The following TAFA2 variants were observed in gnomAD, a reference collection of about 807,000 sequenced individuals.
TAFA2 encodes the protein TAFA chemokine like family member 2, also known as chemokine-like protein TAFA-2.
TAFA2 carries 7 observed loss-of-function variants against 18.8 expected under a neutral mutation model. That is an observed-to-expected ratio of 0.37 (90% CI 0.21 to 0.70). TAFA2 has a LOEUF of 0.70. TAFA2 is among the 30% of genes least tolerant of loss of function. TAFA2 has a pLI of 0.53. For missense variants in TAFA2, 122 were observed against 158.1 expected (o/e 0.77, Z 1.23); for synonymous variants, 60 against 54.2 (o/e 1.11, Z -0.47).
chr12:62,194,301 T>TCACACA (rs60670024), upstream of TAFA2, among the ~76,000 whole-genome samples: 43,611 of 145,786 alleles, frequency 0.3, 6,784 homozygotes, highest in South Asian at 0.41. Context: ...GGCTTTCTTT[T>TCACACA]CACACACACA....
intron 1 of TAFA2, among the ~76,000 whole-genome samples, chr12:62,171,706 T>C (rs571231946): frequency 7.9e-5 from 12 of 152,322 alleles, no homozygotes; most frequent in African/African-American, 2.4e-4. Flanking sequence ...CCAGCGTCCA[T>C]AGCTTTGAGA....
intron 1 of TAFA2, among the ~76,000 whole-genome samples, chr12:62,115,551 C>T (rs1347708847): frequency 6.6e-6 from 1 of 152,032 alleles, no homozygotes; most frequent in Non-Finnish European, 1.5e-5. Flanking sequence ...CAAGAAGTAC[C>T]ACTTTTTGTA....
chr12:61,794,104 C>T (rs1306651777), intron 2 of TAFA2, among the ~76,000 whole-genome samples: 3 of 151,830 alleles, frequency 2.0e-5, no homozygotes, highest in Non-Finnish European at 2.9e-5. Flanking sequence ...ATACATAATC[C>T]TGAGAGACTG....
At chr12:61,753,230 G>A (rs1040386808) in intron 4 of TAFA2, among the ~76,000 whole-genome samples, 3 of 151,918 alleles carry the variant, frequency 2.0e-5, no homozygotes, top group African/African-American at 4.8e-5. Flanking sequence ...TTAAAAAACT[G>A]TATTAAAAGT....
chr12:61,923,146 G>A (rs971366504), intron 1 of TAFA2, among the ~76,000 whole-genome samples: 1 of 152,220 alleles, frequency 6.6e-6, no homozygotes, highest in Non-Finnish European at 1.5e-5. Context: ...GCACCTGGGG[G>A]AAGAGGCGGC....
intron 1 of TAFA2, among the ~76,000 whole-genome samples, chr12:61,886,617 C>T (rs1025805304): frequency 4.6e-5 from 7 of 152,278 alleles, no homozygotes; most frequent in Non-Finnish European, 8.8e-5. Flanking sequence ...GGCAAGTTCT[C>T]GTGTGGGTCC....
At chr12:62,224,807 GTGTACTTAATGCCACTCAAC>G (rs1261950970) in intron 1 of TAFA2, among the ~76,000 whole-genome samples, 12 of 152,108 alleles carry the variant, frequency 7.9e-5, no homozygotes, top group African/African-American at 2.9e-4. Context: ...ACAATAATGA[GTGTACTTAATGCCACTCAAC>G]TGTATACTTA....
intron 1 of TAFA2, among the ~76,000 whole-genome samples, chr12:61,955,667 A>G (rs1266918446): frequency 1.6e-5 from 2 of 127,212 alleles, no homozygotes; most frequent in Admixed American, 8.3e-5. Flanking sequence ...ATATATATAT[A>G]TATTTAATTT....
intron 1 of TAFA2, among the ~76,000 whole-genome samples, chr12:62,113,112 G>C (rs941256823): frequency 6.6e-6 from 1 of 152,044 alleles, no homozygotes; most frequent in African/African-American, 2.4e-5. Flanking sequence ...TCCTCATCTT[G>C]GTGAATTTAT....
chr12:62,096,639 GAA>G (rs995951531), intron 1 of TAFA2, among the ~76,000 whole-genome samples: 3 of 152,026 alleles, frequency 2.0e-5, no homozygotes, highest in African/African-American at 7.2e-5. Context: ...CTATGTTAAT[GAA>G]AAAACTTCTA....
At chr12:61,854,674 A>G (rs1873812630) in intron 2 of TAFA2, among the ~76,000 whole-genome samples, 1 of 152,154 alleles carries the variant, frequency 6.6e-6, no homozygotes, top group Non-Finnish European at 1.5e-5. Context: ...GTGAGAAAAT[A>G]ATGGAGAAAT....
At chr12:61,923,189 G>C (rs1002021196) in intron 1 of TAFA2, among the ~76,000 whole-genome samples, 1 of 152,202 alleles carries the variant, frequency 6.6e-6, no homozygotes, top group African/African-American at 2.4e-5. Context: ...GTTCCTGCCT[G>C]TCGGCTCTAA....
chr12:62,111,215 TA>T (rs1869716315), intron 1 of TAFA2, among the ~76,000 whole-genome samples: 1 of 152,192 alleles, frequency 6.6e-6, no homozygotes, highest in South Asian at 2.1e-4. Flanking sequence ...TCAAAGAACT[TA>T]TTTATTTCTC....
At chr12:61,728,818 A>G (rs184601952) in intron 4 of TAFA2, among the ~76,000 whole-genome samples, 74 of 151,104 alleles carry the variant, frequency 4.9e-4, no homozygotes, top group Middle Eastern at 3.4e-3. Context: ...TTTTCATTGT[A>G]TTATTGTTTT....
At chr12:62,009,395 A>C (rs1443614875) in intron 1 of TAFA2, among the ~76,000 whole-genome samples, 6 of 152,216 alleles carry the variant, frequency 3.9e-5, no homozygotes, top group African/African-American at 1.4e-4. Context: ...ACTATGTAGC[A>C]GGAACCAATA....
At chr12:61,761,788 C>T (rs923762243) in intron 2 of TAFA2, among the ~76,000 whole-genome samples, 11 of 152,004 alleles carry the variant, frequency 7.2e-5, no homozygotes, top group African/African-American at 2.7e-4. Context: ...TGACCATTAT[C>T]TTATAATGCC....
chr12:62,244,598 A>G (rs2136991532), intron 1 of TAFA2, among the ~76,000 whole-genome samples: 1 of 152,296 alleles, frequency 6.6e-6, no homozygotes, highest in South Asian at 2.1e-4. Context: ...TCCAAGATGT[A>G]AAATTGCTGA....
intron 2 of TAFA2, among the ~76,000 whole-genome samples, chr12:61,800,564 C>T (rs554746373): frequency 6.6e-6 from 1 of 152,184 alleles, no homozygotes; most frequent in African/African-American, 2.4e-5. Flanking sequence ...TGATTTGCTA[C>T]AACAGTGAAA....
intron 4 of TAFA2, among the ~76,000 whole-genome samples, chr12:61,745,429 T>C (rs373775897): frequency 1.3e-5 from 2 of 151,962 alleles, no homozygotes; most frequent in East Asian, 1.9e-4. Flanking sequence ...CTCAGGTACT[T>C]TCACTTCTTC....
Sources: allele counts gnomAD v4.1 joint callset (sites outside exome capture counted in the v4.1 genomes callset), GRCh38; gene constraint gnomAD v4.1.1; transcripts MANE v1.5; gene names NCBI Gene and HGNC (gene_info 2026-07-23, HGNC 2026-07-21).